PLCE1: variants seen among roughly 807,000 people sequenced by gnomAD.
The protein encoded by PLCE1 is phospholipase C epsilon 1, also known as 1-phosphatidylinositol 4,5-bisphosphate phosphodiesterase epsilon-1.
A neutral mutation model predicts 242.8 loss-of-function variants in PLCE1; 119 were observed. The ratio of observed to expected loss-of-function variants is 0.49; its 90% CI spans 0.42 to 0.57. PLCE1 has a LOEUF of 0.57. Ranked by LOEUF, PLCE1 falls within the 20% of genes least tolerant of loss-of-function variation. The pLI is 0.00. For synonymous variants in PLCE1, 945 were observed against 1,017.4 expected (o/e 0.93, Z 1.35); for missense variants, 2,441 against 2,788.8 (o/e 0.88, Z 2.81).
chr10:94,007,271 T>C (rs911512736), intron 1 of PLCE1, among the ~76,000 whole-genome samples: 1 of 147,138 alleles, frequency 6.8e-6, no homozygotes, highest in Non-Finnish European at 1.5e-5. Flanking sequence ...AGGCTGTGTC[T>C]GGAAAGAGGC....
In PLCE1 at chr10:94,265,625, T is replaced by G. The variant is rs760262539; in HGVS notation, c.4054-22T>G. 6.5e-6 allele frequency: 8 copies of G among 1,235,142 alleles called. No individual in the cohort carries two copies. The African/African-American group carries it at 1.2e-4, about 19-fold the overall frequency. 76.5% of individuals were successfully genotyped at this position (1,235,142 alleles called of 1,614,324 possible). A position where few individuals can be genotyped will look rare whatever the true frequency, so the allele number is the denominator to read the frequency against. The stretch of plus-strand genomic sequence containing the variant: ...TTAGTTTCCTTAACCTAAATAACAC[T>G]TTTTTTTTTAATCCCTTGCAGAAGT... On this transcript the variant is annotated intron_variant, in intron 14 of 32. Transcript: ENST00000371380.
At chr10:94,251,061 C>T (rs2050857036) in intron 8 of PLCE1, among the ~76,000 whole-genome samples, 1 of 152,122 alleles carries the variant, frequency 6.6e-6, no homozygotes, top group Admixed American at 6.5e-5. Context: ...GATCATGTGC[C>T]AATCATTGGT....
At position 94,043,190 on chromosome 10, in the gene PLCE1, A is replaced by C. The variant is rs1201499130; in HGVS notation, c.1206+10938A>C. 3.3e-5 allele frequency among the ~76,000 whole-genome samples: 5 copies of C among 152,178 alleles called. No individual in the cohort carries two copies. The East Asian group carries it at 9.6e-4, about 29-fold the overall frequency. On this transcript the variant is annotated intron_variant, in intron 2 of 32. Coordinates refer to ENST00000371380, the MANE Select transcript of PLCE1 (RefSeq NM_016341.4). ...TGCTCTAAAGGATTCAGAGTGAGGCACCTGGAGGAAAAACAGACACAAAAC... is the reference window on the plus strand; with the variant it reads ...TGCTCTAAAGGATTCAGAGTGAGGCCCCTGGAGGAAAAACAGACACAAAAC...
chr10:94,085,379 AC>A (rs2044779625), intron 2 of PLCE1, among the ~76,000 whole-genome samples: 1 of 151,564 alleles, frequency 6.6e-6, no homozygotes, highest in South Asian at 2.1e-4. Flanking sequence ...AGGCAGGAAA[AC>A]CCTCTCTGGC....
At position 94,236,129 on chromosome 10, in the gene PLCE1, T is replaced by A; in HGVS notation, c.2420+9T>A. ...GATAAAAGCCGATGGCAGTAAGTTT[T>A]ACACGTTAAAAGTGAGGAATGCTCA... On this transcript the variant is annotated intron_variant, in intron 7 of 32. Coordinates refer to ENST00000371380, the MANE Select transcript of PLCE1 (RefSeq NM_016341.4). The A allele has an allele frequency of 6.2e-7, 1 of 1,610,102 alleles. No homozygotes were observed. Among genetic ancestry groups the A allele is most frequent in the Non-Finnish European group, 8.5e-7 (1 of 1,176,844 alleles).
rs376055263 is a variant in PLCE1, at chr10:94,100,293, T to G, written c.1207-31881T>G. Reference sequence around the variant, plus strand: ...TCTATGTCACCTTCCCTGCTTCTATTGGGGTTGCAGTCTTCACCACCCCCT... The same window carrying G: ...TCTATGTCACCTTCCCTGCTTCTATGGGGGTTGCAGTCTTCACCACCCCCT... On this transcript the variant is annotated intron_variant, in intron 2 of 32. Coordinates refer to ENST00000371380, the MANE Select transcript of PLCE1 (RefSeq NM_016341.4). 4.6e-5 allele frequency: 7 copies of G among 152,250 alleles called. No individual in the cohort carries two copies. In the East Asian group the frequency reaches 1.2e-3, roughly 25 times the overall value. The allele number at this position is 152,250 out of a possible 1,614,324, so 9.4% of individuals were successfully genotyped here.
intron 8 of PLCE1, among the ~76,000 whole-genome samples, chr10:94,249,447 T>G (rs369761401): frequency 1.3e-5 from 2 of 152,250 alleles, no homozygotes; most frequent in East Asian, 3.9e-4. Context: ...CTATTTAAAT[T>G]TACCTATAAG....
chr10:94,056,685 A>G (rs2043914299), intron 2 of PLCE1, among the ~76,000 whole-genome samples: 1 of 152,328 alleles, frequency 6.6e-6, no homozygotes, highest in Non-Finnish European at 1.5e-5. Flanking sequence ...AAAGTATACA[A>G]TTCAATGATT....
At chr10:94,327,632 CAG>C (rs1421610088) in intron 32 of PLCE1, among the ~76,000 whole-genome samples, 1 of 152,094 alleles carries the variant, frequency 6.6e-6, no homozygotes, top group Non-Finnish European at 1.5e-5. Flanking sequence ...CAATAATCTA[CAG>C]ATTTTTAAAG....
At chr10:94,245,694 C>G (rs1255649911) in intron 7 of PLCE1, among the ~76,000 whole-genome samples, 1 of 152,164 alleles carries the variant, frequency 6.6e-6, no homozygotes, top group African/African-American at 2.4e-5. Flanking sequence ...ACCATGTTGG[C>G]CAGGCTGGTC....
intron 4 of PLCE1, among the ~76,000 whole-genome samples, chr10:94,218,278 A>G (rs2049599298): frequency 6.6e-6 from 1 of 152,158 alleles, no homozygotes; most frequent in Non-Finnish European, 1.5e-5. Flanking sequence ...TTACATTGTT[A>G]GTTTTAAAAA....
chr10:94,242,278 G>GTT (rs536029354), intron 7 of PLCE1, among the ~76,000 whole-genome samples: 7 of 151,692 alleles, frequency 4.6e-5, no homozygotes, highest in East Asian at 3.9e-4. Context: ...CAGATCTTGT[G>GTT]TTTTTTTTGT....
intron 4 of PLCE1, among the ~76,000 whole-genome samples, chr10:94,194,472 GC>G (rs1020245952): frequency 6.6e-6 from 1 of 152,138 alleles, no homozygotes; most frequent in Non-Finnish European, 1.5e-5. Context: ...ATCACTTCAT[GC>G]CCCTTTTACA....
At chr10:94,206,023 C>T (rs990246951) in intron 4 of PLCE1, among the ~76,000 whole-genome samples, 3 of 152,052 alleles carry the variant, frequency 2.0e-5, no homozygotes, top group Admixed American at 6.5e-5. Flanking sequence ...TAGATGGAGA[C>T]AGATTAGAGA....
intron 3 of PLCE1, among the ~76,000 whole-genome samples, chr10:94,158,521 A>T (rs927351281): frequency 6.6e-6 from 1 of 152,264 alleles, no homozygotes; most frequent in Non-Finnish European, 1.5e-5. Context: ...AAATTTCCCA[A>T]TGTGGGTAGG....
intron 1 of PLCE1, among the ~76,000 whole-genome samples, chr10:93,996,350 G>A (rs965193717): frequency 3.9e-5 from 6 of 152,228 alleles, no homozygotes; most frequent in African/African-American, 1.4e-4. Flanking sequence ...TCCTCCCAAC[G>A]TTCAGTTGAG....
At chr10:94,102,767 A>T (rs1284969159) in intron 2 of PLCE1, among the ~76,000 whole-genome samples, 4 of 152,174 alleles carry the variant, frequency 2.6e-5, no homozygotes, top group South Asian at 4.1e-4. Flanking sequence ...GACGGGTCTT[A>T]TGAGAAGCCC....
At position 94,291,718 on chromosome 10, in the gene PLCE1, C is replaced by T. The variant is rs967001601; in HGVS notation, c.5036-1790C>T. On this transcript the variant is annotated intron_variant, in intron 22 of 32. Coordinates refer to ENST00000371380, the MANE Select transcript of PLCE1 (RefSeq NM_016341.4). The stretch of plus-strand genomic sequence containing the variant: ...AGGAGTTCAAGATCAGCCTGGACAA[C>T]ATGGTGAAATGCCGTCTCTACTAAA... Among the ~76,000 whole-genome samples the T allele has an allele frequency of 2.0e-5, 3 of 152,118 alleles. No individual in the cohort carries two copies. In the East Asian group the frequency reaches 5.8e-4, roughly 29 times the overall value.
At chr10:94,032,303 C>T (rs537956695) in intron 2 of PLCE1, 51 bp downstream of exon 2, 2 of 1,513,768 alleles carry the variant, frequency 1.3e-6, no homozygotes, top group African/African-American at 2.8e-5. Flanking sequence ...CTTTTTTTTT[C>T]AAAAAAAAGT....
Sources: gnomAD v4.1 joint callset for allele counts (sites outside exome capture counted in the v4.1 genomes callset) on GRCh38, gnomAD v4.1.1 for gene constraint, MANE v1.5 for transcripts, NCBI Gene and HGNC (gene_info 2026-07-23, HGNC 2026-07-21) for gene names.